The following SOBP variants were observed in gnomAD, a reference collection of about 807,000 sequenced individuals.
SOBP encodes sine oculis-binding protein homolog.
A neutral mutation model predicts 53.6 loss-of-function variants in SOBP; 4 were observed. That is an observed-to-expected ratio of 0.07 (90% CI 0.04 to 0.17). The LOEUF is 0.17. Among genes scored for constraint, SOBP ranks in the 10% least tolerant of loss-of-function variants. The probability of loss-of-function intolerance (pLI) is 1.00; values close to 1 mark genes in which losing one functional copy is unlikely to be tolerated. For missense variants in SOBP, 1,088 were observed against 1,204.7 expected, an observed-to-expected ratio of 0.90 and a Z score of 1.43; for synonymous variants, 584 against 522.6, an observed-to-expected ratio of 1.12 and a Z score of -1.60.
At chr6:107,585,738 C>A (rs762196726) in intron 4 of SOBP, among the ~76,000 whole-genome samples, 1 of 152,152 alleles carries the variant, frequency 6.6e-6, no homozygotes, top group Non-Finnish European at 1.5e-5. Context: ...CTTCCAAGTT[C>A]CATCTAGTTC....
chr6:107,495,928 CTCAAGCTAATAA>C (rs1205754817), intron 1 of SOBP, among the ~76,000 whole-genome samples: 2 of 151,932 alleles, frequency 1.3e-5, no homozygotes, highest in Non-Finnish European at 2.9e-5. Context: ...CACTTGTACT[CTCAAGCTAATAA>C]GATTATTGAA....
intron 6 of SOBP, among the ~76,000 whole-genome samples, chr6:107,656,820 G>C (rs1056052999): frequency 3.9e-5 from 6 of 151,976 alleles, no homozygotes; most frequent in Admixed American, 1.3e-4. Context: ...ATTATCTCTG[G>C]GGTCCCTTCA....
intron 2 of SOBP, among the ~76,000 whole-genome samples, chr6:107,504,637 G>A (rs1782931618): frequency 6.6e-6 from 1 of 152,212 alleles, no homozygotes; most frequent in African/African-American, 2.4e-5. Flanking sequence ...ATCAATATTT[G>A]CGTTGCATTC....
chr6:107,571,679 C>T (rs1017750976), intron 4 of SOBP, among the ~76,000 whole-genome samples: 2 of 152,186 alleles, frequency 1.3e-5, no homozygotes, highest in Non-Finnish European at 2.9e-5. Context: ...TCGTTTCTAC[C>T]GGGGTCTCCG....
intron 6 of SOBP, among the ~76,000 whole-genome samples, chr6:107,646,074 AT>A (rs973089846): frequency 6.6e-6 from 1 of 152,218 alleles, no homozygotes; most frequent in African/African-American, 2.4e-5. Flanking sequence ...TTTGAGGAAA[AT>A]TACTTGAGCA....
Position 107,635,041 on chromosome 6 carries a change from G to A in SOBP, c.2197G>A (p.Glu733Lys), listed in dbSNP as rs1301354343. The change falls in exon 6 of 7, where the codon GAG becomes AAG. Residue 733 changes from glutamate to lysine, a missense_variant. This residue lies in a region of SOBP where 665 missense variants were observed against 629.7 expected (regional missense o/e 1.06). Coordinates refer to ENST00000317357, the MANE Select transcript of SOBP (RefSeq NM_018013.4). This position sits in a 1 kb window ranked among gnomAD's most constrained non-coding sequence, Gnocchi z 4.5. ...GAACGGCACGCGCGGCGCCGCCGCC[G>A]AGGGCGCTAAGAGCGCGGAGCCGCC... ...IVNGTRGAAAEGAKSAEPPPE... is the reference protein window; with the variant it reads ...IVNGTRGAAAKGAKSAEPPPE... 4 of 1,279,290 alleles carry A rather than the reference G, an allele frequency of 3.1e-6. No homozygotes were observed. Among genetic ancestry groups the A allele is most frequent in the East Asian group, 3.2e-5 (1 of 31,200 alleles). 79.2% of individuals were successfully genotyped at this position (1,279,290 alleles called of 1,614,324 possible). A position where few individuals can be genotyped will look rare whatever the true frequency, so the allele number is the denominator to read the frequency against.
chr6:107,556,095 G>C lies in SOBP; in HGVS notation c.573+22485G>C, dbSNP rs112681218. Among the ~76,000 whole-genome samples, 16 of 152,358 alleles carry C rather than the reference G, an allele frequency of 1.1e-4. 3 individuals are homozygous for C. Among genetic ancestry groups the C allele is most frequent in the African/African-American group, 3.6e-4 (15 of 41,586 alleles). On this transcript the variant is annotated intron_variant, in intron 4 of 6. Coordinates refer to ENST00000317357, the MANE Select transcript of SOBP (RefSeq NM_018013.4). ...CATGCCAGAGGGTGCTCTGTAATAT[G>C]CATTTACACTTGACCTGAGAATTCT... is the stretch of plus-strand genomic sequence containing the variant.
In SOBP at chr6:107,634,739, G is replaced by A. The variant is rs1244726700; in HGVS notation, c.1895G>A (p.Gly632Asp). 2 of 1,339,498 alleles carry A rather than the reference G, an allele frequency of 1.5e-6. No homozygotes were observed. The highest frequency in any genetic ancestry group is 1.5e-5 in the African/African-American group (1 of 64,652). 83.0% of individuals were successfully genotyped at this position (1,339,498 alleles called of 1,614,324 possible). A position where few individuals can be genotyped will look rare whatever the true frequency, so the allele number is the denominator to read the frequency against. The change falls in exon 6 of 7, where the codon GGC (glycine) becomes GAC (aspartate). Residue 632 changes from glycine to aspartate, a missense_variant. This residue lies in a region of SOBP where 665 missense variants were observed against 629.7 expected (regional missense o/e 1.06). Coordinates refer to ENST00000317357, the MANE Select transcript of SOBP (RefSeq NM_018013.4). This position sits in a 1 kb window ranked among gnomAD's most constrained non-coding sequence, Gnocchi z 4.5. The stretch of plus-strand genomic sequence containing the variant: ...ACGCGGCGCGCCGGCAGCCCCCCGG[G>A]CCCCCCGGGCGCGGGCGGCCAGCTC... Reference protein sequence around the residue: ...DLTRRAGSPPGPPGAGGQLGF... With the variant: ...DLTRRAGSPPDPPGAGGQLGF...
intron 1 of SOBP, among the ~76,000 whole-genome samples, chr6:107,491,310 C>A (rs112106806): frequency 6.6e-6 from 1 of 152,334 alleles, no homozygotes; most frequent in Admixed American, 6.5e-5. Flanking sequence ...CACTGGCAGC[C>A]TCCGCCTCCC....
intron 1 of SOBP, among the ~76,000 whole-genome samples, chr6:107,502,762 TA>T (rs1383442698): frequency 1.3e-5 from 2 of 152,034 alleles, no homozygotes; most frequent in South Asian, 2.1e-4. Context: ...GTTGATTTTT[TA>T]AAAAAAAATT....
rs147623406 is a variant in SOBP, at chr6:107,554,625, A to G, written c.573+21015A>G. Among the ~76,000 whole-genome samples, 43 of 152,310 alleles carry G rather than the reference A, an allele frequency of 2.8e-4. No homozygotes were observed. The East Asian group carries it at 7.1e-3, about 25-fold the overall frequency. ...GCTGGGGGAAGTAGAGCTGGAATCCATTGGAGCCACCAATCTGCAGAAGTC... is the reference window on the plus strand; with the variant it reads ...GCTGGGGGAAGTAGAGCTGGAATCCGTTGGAGCCACCAATCTGCAGAAGTC... On this transcript the variant is annotated intron_variant, in intron 4 of 6. Coordinates refer to ENST00000317357, the MANE Select transcript of SOBP (RefSeq NM_018013.4).
intron 4 of SOBP, among the ~76,000 whole-genome samples, chr6:107,534,875 G>A (rs1359920776): frequency 1.3e-5 from 2 of 152,154 alleles, no homozygotes; most frequent in Admixed American, 6.5e-5. Context: ...AATGATGCAC[G>A]GGAGACACGT....
chr6:107,536,054 T>C (rs75167823), intron 4 of SOBP, among the ~76,000 whole-genome samples: 2,841 of 152,232 alleles, frequency 0.019, 45 homozygotes, highest in East Asian at 0.054. Context: ...AATTCTACCT[T>C]TTTTAAGTTT....
At chr6:107,564,774 G>C (rs1416535970) in intron 4 of SOBP, among the ~76,000 whole-genome samples, 1 of 152,192 alleles carries the variant, frequency 6.6e-6, no homozygotes, top group African/African-American at 2.4e-5. Flanking sequence ...CAATCTATCT[G>C]TTTCATTTGC....
chr6:107,499,162 G>A (rs555564807), intron 1 of SOBP, among the ~76,000 whole-genome samples: 21 of 152,118 alleles, frequency 1.4e-4, no homozygotes, highest in African/African-American at 4.8e-4. Context: ...TTGCAATTGC[G>A]GATACATTGG....
chr6:107,579,714 GC>G (rs1472820011), intron 4 of SOBP, among the ~76,000 whole-genome samples: 1 of 152,184 alleles, frequency 6.6e-6, no homozygotes, highest in East Asian at 1.9e-4. Context: ...TCTCATGGAG[GC>G]CATAAACATG....
chr6:107,501,941 T>C (rs1782852106), intron 1 of SOBP, among the ~76,000 whole-genome samples: 1 of 152,214 alleles, frequency 6.6e-6, no homozygotes, highest in South Asian at 2.1e-4. Context: ...TGTGACTGAC[T>C]GTTGGCCTTG....
intron 6 of SOBP, among the ~76,000 whole-genome samples, chr6:107,639,167 T>A (rs1436067293): frequency 6.6e-6 from 1 of 152,168 alleles, no homozygotes; most frequent in Non-Finnish European, 1.5e-5. Context: ...TCTCCCAAAG[T>A]GTTGGGATTA....
chr6:107,616,825 C>T (rs147056315), intron 5 of SOBP, among the ~76,000 whole-genome samples: 1 of 152,298 alleles, frequency 6.6e-6, no homozygotes, highest in Non-Finnish European at 1.5e-5. Flanking sequence ...ATTTAGACAG[C>T]CCTTGGCTGT....
Sources: allele counts gnomAD v4.1 joint callset (sites outside exome capture counted in the v4.1 genomes callset), GRCh38; gene constraint gnomAD v4.1.1; regional missense constraint gnomAD v4.1.1; non-coding constraint Gnocchi (gnomAD v3.1); transcripts MANE v1.5; gene names NCBI Gene and HGNC (gene_info 2026-07-23, HGNC 2026-07-21).